The following ATP10A variants were observed in gnomAD, a reference collection of about 807,000 sequenced individuals.
ATP10A encodes phospholipid-transporting ATPase VA.
In ATP10A, 111 loss-of-function variants were observed where a neutral mutation model predicts 147.8. That is an observed-to-expected ratio of 0.75 (90% CI 0.64 to 0.88). ATP10A has a LOEUF of 0.88. Among genes scored for constraint, ATP10A ranks in the 40% least tolerant of loss-of-function variants. The pLI is 0.00. For missense variants in ATP10A, 1,927 were observed against 1,959.0 expected, an observed-to-expected ratio of 0.98 and a Z score of 0.31; for synonymous variants, 875 against 841.6, an observed-to-expected ratio of 1.04 and a Z score of -0.69.
At chr15:25,842,302 A>C (rs1596986982) in intron 1 of ATP10A, among the ~76,000 whole-genome samples, 1 of 152,250 alleles carries the variant, frequency 6.6e-6, no homozygotes. Context: ...TCCTGTGCCC[A>C]CACTGGAAGG....
At chr15:25,818,992 G>A (rs995801551) in intron 1 of ATP10A, among the ~76,000 whole-genome samples, 6 of 152,096 alleles carry the variant, frequency 3.9e-5, no homozygotes, top group Admixed American at 3.3e-4. Context: ...GAAGAAACCC[G>A]AGGGAAGACT....
chr15:25,858,839 G>A (rs967666904), intron 1 of ATP10A, among the ~76,000 whole-genome samples: 1 of 152,012 alleles, frequency 6.6e-6, no homozygotes, highest in African/African-American at 2.4e-5. Context: ...ACACTGAAAG[G>A]TGTCAATAAG....
intron 3 of ATP10A, among the ~76,000 whole-genome samples, chr15:25,735,006 G>GT (rs1009483949): frequency 4.2e-4 from 3 of 7,070 alleles, no homozygotes; most frequent in Non-Finnish European, 1.2e-3. Flanking sequence ...GTGGGAGCGG[G>GT]GGGGGGGTGG....
intron 2 of ATP10A, among the ~76,000 whole-genome samples, chr15:25,753,670 A>C (rs908412469): frequency 1.3e-5 from 2 of 151,636 alleles, no homozygotes; most frequent in African/African-American, 4.8e-5. Flanking sequence ...GCTGGACAGA[A>C]GTGTACATTG....
At chr15:25,733,112 G>C (rs1193267163) in intron 3 of ATP10A, among the ~76,000 whole-genome samples, 1 of 152,158 alleles carries the variant, frequency 6.6e-6, no homozygotes, top group East Asian at 1.9e-4. Context: ...AGTTTGGAAT[G>C]GCAGGTCCTA....
At chr15:25,748,112 G>A (rs1329930289) in intron 2 of ATP10A, among the ~76,000 whole-genome samples, 6 of 151,914 alleles carry the variant, frequency 3.9e-5, no homozygotes, top group Non-Finnish European at 4.4e-5. Context: ...ACAGGCACCC[G>A]CCACCACACC....
At chr15:25,860,214 C>A (rs1488693512) in intron 1 of ATP10A, among the ~76,000 whole-genome samples, 1 of 152,136 alleles carries the variant, frequency 6.6e-6, no homozygotes, top group Non-Finnish European at 1.5e-5. Context: ...CCTGTCCACC[C>A]CCCGCCCCCG....
At chr15:25,784,603 T>C (rs1170209212) in intron 1 of ATP10A, among the ~76,000 whole-genome samples, 2 of 152,034 alleles carry the variant, frequency 1.3e-5, no homozygotes, top group Non-Finnish European at 2.9e-5. Context: ...GGGTTCCTCA[T>C]GGGCTGCAGA....
intron 1 of ATP10A, among the ~76,000 whole-genome samples, chr15:25,859,549 C>G (rs866322404): frequency 6.6e-6 from 1 of 152,212 alleles, no homozygotes; most frequent in South Asian, 2.1e-4. Context: ...GCCCTTCCCC[C>G]CTGCAGGCGC....
intron 2 of ATP10A, among the ~76,000 whole-genome samples, chr15:25,751,549 C>T (rs12443456): frequency 0.07 from 10,653 of 152,064 alleles, 897 homozygotes; most frequent in Admixed American, 0.19. Context: ...TACCATAACT[C>T]ACATTATAAA....
intron 1 of ATP10A, among the ~76,000 whole-genome samples, chr15:25,854,507 T>G (rs1197624078): frequency 2.0e-5 from 3 of 152,204 alleles, no homozygotes; most frequent in Non-Finnish European, 2.9e-5. Context: ...GGATTACAAG[T>G]GCATACCAAG....
chr15:25,775,453 A>G (rs773155459), intron 2 of ATP10A, among the ~76,000 whole-genome samples: 25 of 152,140 alleles, frequency 1.6e-4, no homozygotes, highest in Non-Finnish European at 3.2e-4. Flanking sequence ...CAGAGGGGAA[A>G]CCCTGTCTCC....
At position 25,685,033 on chromosome 15, in the gene ATP10A, G is replaced by A. The variant is rs148409130; in HGVS notation, c.3292-1547C>T. On this transcript the variant is annotated intron_variant, in intron 16 of 20. Transcript: ENST00000555815. ...GGCTGGCTCTCGCTCACTCACCCCC[G>A]CAGGCTTGGCCTAGTGAGTCATCGG... Among the ~76,000 whole-genome samples the A allele has an allele frequency of 7.4e-3, 1,128 of 152,176 alleles. 8 individuals carry two copies. Among genetic ancestry groups the A allele is most frequent in the South Asian group, 0.02 (94 of 4,810 alleles).
At chr15:25,749,228 T>A (rs1014179299) in intron 2 of ATP10A, among the ~76,000 whole-genome samples, 3 of 152,102 alleles carry the variant, frequency 2.0e-5, no homozygotes, top group African/African-American at 7.2e-5. Context: ...AGCACACTAT[T>A]TGTAATAAGC....
chr15:25,680,540 C>T (rs1299073568), intron 19 of ATP10A, among the ~76,000 whole-genome samples: 1 of 151,978 alleles, frequency 6.6e-6, no homozygotes, highest in Admixed American at 6.5e-5. Context: ...GAGGGCAAGA[C>T]AGGAGGGAAA....
intron 2 of ATP10A, among the ~76,000 whole-genome samples, chr15:25,758,656 C>T (rs61994074): frequency 7.8e-3 from 426 of 54,400 alleles, no homozygotes; most frequent in South Asian, 9.0e-3. Flanking sequence ...CTCATTCCGA[C>T]CACCTGCTCC....
intron 1 of ATP10A, among the ~76,000 whole-genome samples, chr15:25,794,036 T>C (rs1194155029): frequency 6.6e-6 from 1 of 152,210 alleles, no homozygotes; most frequent in Non-Finnish European, 1.5e-5. Flanking sequence ...CAGGACACCA[T>C]TTCCCCAGAG....
At chr15:25,777,456 A>G (rs1479385557) in intron 2 of ATP10A, among the ~76,000 whole-genome samples, 3 of 152,064 alleles carry the variant, frequency 2.0e-5, no homozygotes, top group Non-Finnish European at 4.4e-5. Context: ...TTCCACCAGT[A>G]CAGCCCCTAA....
In ATP10A at chr15:25,680,812, A is replaced by G. The variant is rs778308742; in HGVS notation, c.3676T>C (p.Trp1226Arg). The G allele has an allele frequency of 6.2e-7, 1 of 1,612,800 alleles. No homozygotes were observed. The highest frequency in any genetic ancestry group is 1.7e-5 in the Admixed American group (1 of 60,008). Reference protein sequence around the residue: ...LLHLGIETKTWTWLNWITCGF... With the variant: ...LLHLGIETKTRTWLNWITCGF... ...GTGGCCATGCAGGCGGCTCTTACCCAGGTTTTGGTTTCAATGCCCAGGTGG... is the reference window on the plus strand; with the variant it reads ...GTGGCCATGCAGGCGGCTCTTACCCGGGTTTTGGTTTCAATGCCCAGGTGG... Residue 1226 changes from tryptophan to arginine, a missense_variant and splice_region_variant, in exon 19 of 21, where the codon TGG becomes CGG. Coordinates refer to ENST00000555815, the MANE Select transcript of ATP10A (RefSeq NM_024490.4).
Sources: allele counts gnomAD v4.1 joint callset (sites outside exome capture counted in the v4.1 genomes callset), GRCh38; gene constraint gnomAD v4.1.1; transcripts MANE v1.5; gene names NCBI Gene and HGNC (gene_info 2026-07-23, HGNC 2026-07-21).